Variants in RAB9B observed in about 807,000 individuals in gnomAD.
RAB9B encodes the protein RAB9B, member RAS oncogene family.
A neutral mutation model predicts 8.9 loss-of-function variants in RAB9B; 1 was observed. That is an observed-to-expected ratio of 0.11 (90% CI 0.04 to 0.53). The LOEUF (loss-of-function observed/expected upper bound fraction) is 0.53, where lower values mean the gene tolerates loss of function less well. RAB9B is among the 20% of genes least tolerant of loss of function. The pLI is 0.93. For synonymous variants in RAB9B, 63 were observed against 57.0 expected (o/e 1.10, Z -0.47); for missense variants, 82 against 152.9 (o/e 0.54, Z 2.45).
chrX:103,821,223 CTA>C (rs951822503), downstream of RAB9B, among the ~76,000 whole-genome samples: 5 of 110,538 alleles, frequency 4.5e-5, no homozygotes, highest in African/African-American at 1.6e-4. Flanking sequence ...GCTTATAAAT[CTA>C]TGACTTTCTA....
chrX:103,803,855 C>A, the RAB9B span, among the ~76,000 whole-genome samples: 3 of 112,705 alleles, frequency 2.7e-5, no homozygotes, highest in Admixed American at 2.8e-4. Flanking sequence ...GGATTACAGG[C>A]GTGAGCCACC....
At chrX:103,820,814 G>C (rs1228315711), downstream of RAB9B, among the ~76,000 whole-genome samples, 1 of 110,464 alleles carries the variant, frequency 9.1e-6, no homozygotes, top group East Asian at 2.8e-4. Context: ...GCCAGGTGTG[G>C]TGGCGGGCGC....
the RAB9B span, among the ~76,000 whole-genome samples, chrX:103,813,076 C>A: frequency 1.8e-5 from 2 of 109,183 alleles, no homozygotes; most frequent in African/African-American, 6.7e-5. Flanking sequence ...GGACATGCCA[C>A]CACGCCTGGC....
At chrX:103,792,710 C>T in the RAB9B span, 4 of 112,550 alleles carry the variant, frequency 3.6e-5, no homozygotes, top group South Asian at 1.5e-3. Flanking sequence ...CATTTTTCAG[C>T]TCATCCAAGT....
chrX:103,831,460 A>G (rs1007909552), intron 1 of RAB9B, among the ~76,000 whole-genome samples: 7 of 101,219 alleles, frequency 6.9e-5, no homozygotes, highest in Non-Finnish European at 1.0e-4. Flanking sequence ...GGAGTCCCAC[A>G]TCTAACCTTT....
the RAB9B span, among the ~76,000 whole-genome samples, chrX:103,799,313 G>T: frequency 1.9e-5 from 2 of 103,755 alleles, no homozygotes; most frequent in Non-Finnish European, 3.9e-5. Flanking sequence ...CCTTTGAAAG[G>T]CACTTACTTT....
chrX:103,817,611 C>CTA (rs1223230782), downstream of RAB9B, among the ~76,000 whole-genome samples: 4 of 109,698 alleles, frequency 3.6e-5, no homozygotes, highest in South Asian at 7.7e-4. Context: ...TCTATATATA[C>CTA]TATATATATG....
the RAB9B span, chrX:103,791,325 CAG>C: frequency 2.7e-5 from 3 of 111,866 alleles, no homozygotes; most frequent in Admixed American, 9.5e-5. Context: ...GGAAGAGAAA[CAG>C]GGTGTTGTCA....
the RAB9B span, among the ~76,000 whole-genome samples, chrX:103,814,570 C>T: frequency 9.0e-6 from 1 of 110,609 alleles, no homozygotes; most frequent in African/African-American, 3.3e-5. Flanking sequence ...TAGCAGAAGA[C>T]AAGAAGTAAC....
downstream of RAB9B, among the ~76,000 whole-genome samples, chrX:103,820,443 C>T (rs937186645): frequency 3.4e-4 from 38 of 111,585 alleles, no homozygotes; most frequent in African/African-American, 1.2e-3. Flanking sequence ...CAAATTGATA[C>T]CTCGATTTTC....
the RAB9B span, among the ~76,000 whole-genome samples, chrX:103,803,980 CA>C: frequency 8.9e-6 from 1 of 112,201 alleles, no homozygotes; most frequent in Non-Finnish European, 1.9e-5. Flanking sequence ...GGCTTTGAAG[CA>C]AAAAAGTATT....
chrX:103,788,411 C>T, the RAB9B span: 1 of 1,149,739 alleles, frequency 8.7e-7, no homozygotes, highest in Non-Finnish European at 1.2e-6. Context: ...AAAGCTTACC[C>T]TGCTTGCTTT....
At chrX:103,781,449 A>G in the RAB9B span, 3 of 209,535 alleles carry the variant, frequency 1.4e-5, no homozygotes, top group Non-Finnish European at 2.9e-5. Flanking sequence ...CAACCATGAC[A>G]TGATCTTTTC....
chrX:103,798,875 C>T, the RAB9B span, among the ~76,000 whole-genome samples: 2 of 108,711 alleles, frequency 1.8e-5, no homozygotes, highest in African/African-American at 3.3e-5. Context: ...CTCCCAATCT[C>T]GTGATTTGCC....
chrX:103,824,819 A>G lies in RAB9B; in HGVS notation c.*360T>C, dbSNP rs1191554911. On this transcript the variant is annotated 3_prime_UTR_variant, in exon 3 of 3. Transcript: ENST00000243298. ...ACATTTGTTAGTTGATTAATGGAAC[A>G]CTTTAAGAAATAGTTGTAGCTCTTT... The G allele has an allele frequency of 8.4e-6, 1 of 118,843 alleles. No individual in the cohort carries two copies. The highest frequency in any genetic ancestry group is 1.7e-5 in the Non-Finnish European group (1 of 58,317). 9.8% of individuals were successfully genotyped at this position (118,843 alleles called of 1,213,427 possible).
the RAB9B span, among the ~76,000 whole-genome samples, chrX:103,779,448 G>A: frequency 8.9e-6 from 1 of 111,853 alleles, no homozygotes; most frequent in African/African-American, 3.2e-5. Context: ...CATCAAAATG[G>A]CAAGAATGCC....
chrX:103,801,968 A>G, the RAB9B span, among the ~76,000 whole-genome samples: 32 of 111,750 alleles, frequency 2.9e-4, no homozygotes, highest in African/African-American at 9.7e-4. Flanking sequence ...TGGAACACCT[A>G]GTCTCTACCA....
the RAB9B span, among the ~76,000 whole-genome samples, chrX:103,796,187 T>A: frequency 8.9e-6 from 1 of 112,544 alleles, no homozygotes; most frequent in South Asian, 3.7e-4. Flanking sequence ...TCAAAATAAT[T>A]GTCTGGGCAG....
chrX:103,794,790 T>C, the RAB9B span, among the ~76,000 whole-genome samples: 1 of 112,142 alleles, frequency 8.9e-6, no homozygotes, highest in Non-Finnish European at 1.9e-5. Context: ...AGTCAATATT[T>C]ATATATTGGG....
Sources: gnomAD v4.1 joint callset for allele counts (sites outside exome capture counted in the v4.1 genomes callset) on GRCh38, gnomAD v4.1.1 for gene constraint, MANE v1.5 for transcripts, NCBI Gene and HGNC (gene_info 2026-07-23, HGNC 2026-07-21) for gene names.